Variants in CAST observed in about 807,000 individuals in gnomAD.
CAST encodes the protein MIR583 host.
A neutral mutation model predicts 119.6 loss-of-function variants in CAST; 76 were observed. The ratio of observed to expected loss-of-function variants is 0.64; its 90% CI spans 0.53 to 0.77. The LOEUF (loss-of-function observed/expected upper bound fraction) is 0.77. Ranked by LOEUF, CAST falls within the 30% of genes least tolerant of loss-of-function variation. The pLI is 0.00. For missense variants in CAST, 953 were observed against 946.5 expected (o/e 1.01, Z -0.09); for synonymous variants, 319 against 331.6 (o/e 0.96, Z 0.41).
intron 1 of CAST, among the ~76,000 whole-genome samples, chr5:96,635,411 G>A (rs958840713): frequency 1.3e-5 from 2 of 152,146 alleles, no homozygotes; most frequent in African/African-American, 4.8e-5. Context: ...CTAATTGATT[G>A]GGAATTCGGG....
At chr5:96,122,548 C>T in the CAST span, among the ~76,000 whole-genome samples, 5 of 152,088 alleles carry the variant, frequency 3.3e-5, no homozygotes, top group East Asian at 3.8e-4. Context: ...AAGGTAAAGT[C>T]GAACTTGTTT....
At chr5:96,289,551 T>C in the CAST span, among the ~76,000 whole-genome samples, 1 of 152,172 alleles carries the variant, frequency 6.6e-6, no homozygotes, top group African/African-American at 2.4e-5. Flanking sequence ...CCTGCCACCA[T>C]GTAAGATGCG....
chr5:96,249,518 A>G, the CAST span, among the ~76,000 whole-genome samples: 1 of 152,256 alleles, frequency 6.6e-6, no homozygotes, highest in Middle Eastern at 3.2e-3. Context: ...TAAAGAGGCA[A>G]CAAGTATCTA....
the CAST span, among the ~76,000 whole-genome samples, chr5:96,230,168 A>T: frequency 6.6e-6 from 1 of 152,176 alleles, no homozygotes; most frequent in Non-Finnish European, 1.5e-5. Flanking sequence ...GTATGAGCAC[A>T]GAGACTTAGG....
At chr5:96,186,212 T>G in the CAST span, among the ~76,000 whole-genome samples, 1 of 152,094 alleles carries the variant, frequency 6.6e-6, no homozygotes, top group Non-Finnish European at 1.5e-5. Context: ...TATTCTGAGA[T>G]TTTGAAGTTG....
chr5:96,464,313 A>G, the CAST span, among the ~76,000 whole-genome samples: 1 of 151,956 alleles, frequency 6.6e-6, no homozygotes. Context: ...ATTACTCAGG[A>G]ACTCCTTTGT....
the CAST span, among the ~76,000 whole-genome samples, chr5:96,258,643 A>G: frequency 6.6e-6 from 1 of 152,174 alleles, no homozygotes; most frequent in African/African-American, 2.4e-5. Flanking sequence ...TCAGGGATGC[A>G]TGACATTTGG....
chr5:96,694,127 A>T (rs56214211), intron 2 of CAST, among the ~76,000 whole-genome samples: 6,332 of 152,336 alleles, frequency 0.042, 179 homozygotes, highest in Middle Eastern at 0.092. Flanking sequence ...ATAAATTAGA[A>T]AATATAAATT....
In CAST at chr5:96,774,638, A is replaced by C; in HGVS notation, c.*2022A>C. 1 of 985,272 alleles carries C rather than the reference A, an allele frequency of 1.0e-6. No individual in the cohort carries two copies. Among genetic ancestry groups the C allele is most frequent in the Non-Finnish European group, 1.2e-6 (1 of 829,656 alleles). 61.0% of individuals were successfully genotyped at this position (985,272 alleles called of 1,614,324 possible). On this transcript the variant is annotated 3_prime_UTR_variant, in exon 32 of 32. Coordinates refer to ENST00000675179, the MANE Select transcript of CAST (RefSeq NM_001750.7). Reference sequence around the variant, plus strand: ...AAAATCAATATTTCCATGTTTCATTAATCAAGGCATAAAATACAATTAAAG... The same window carrying C: ...AAAATCAATATTTCCATGTTTCATTCATCAAGGCATAAAATACAATTAAAG...
the CAST span, chr5:95,961,493 C>A: frequency 1.5e-6 from 2 of 1,354,024 alleles, no homozygotes; most frequent in South Asian, 3.7e-5. Context: ...CACGGCTCCG[C>A]CGGCCCCGCA....
At chr5:96,417,172 TA>T in the CAST span, among the ~76,000 whole-genome samples, 1 of 152,314 alleles carries the variant, frequency 6.6e-6, no homozygotes, top group African/African-American at 2.4e-5. Flanking sequence ...GCATGGAATA[TA>T]AAATTCCTAA....
At chr5:96,580,927 A>G (rs1487730422) in intron 1 of CAST, among the ~76,000 whole-genome samples, 1 of 152,248 alleles carries the variant, frequency 6.6e-6, no homozygotes, top group East Asian at 1.9e-4. Context: ...AGGTCCAACG[A>G]AGCTCAATTG....
chr5:96,227,896 G>A, the CAST span, among the ~76,000 whole-genome samples: 1 of 152,156 alleles, frequency 6.6e-6, no homozygotes, highest in Admixed American at 6.6e-5. Flanking sequence ...AATGTGTAAG[G>A]GCAAGTATGG....
the CAST span, among the ~76,000 whole-genome samples, chr5:96,324,620 T>C: frequency 6.6e-6 from 1 of 152,230 alleles, no homozygotes; most frequent in East Asian, 1.9e-4. Flanking sequence ...AAAACATTAA[T>C]ATGAATGTAT....
the CAST span, among the ~76,000 whole-genome samples, chr5:96,419,778 TATTTTA>T: frequency 6.6e-6 from 1 of 151,992 alleles, no homozygotes; most frequent in Non-Finnish European, 1.5e-5. Context: ...AATTATATTT[TATTTTA>T]ATTATTATAT....
At chr5:96,380,795 T>C in the CAST span, among the ~76,000 whole-genome samples, 3 of 152,206 alleles carry the variant, frequency 2.0e-5, no homozygotes, top group African/African-American at 7.2e-5. Context: ...GTGTCAATAT[T>C]TGGAACATTT....
At chr5:96,569,074 T>C (rs190101281) in intron 1 of CAST, among the ~76,000 whole-genome samples, 1 of 152,230 alleles carries the variant, frequency 6.6e-6, no homozygotes, top group Admixed American at 6.5e-5. Context: ...CTGTGACACA[T>C]TTTAGGATCA....
chr5:96,274,663 T>C, the CAST span, among the ~76,000 whole-genome samples: 1 of 152,182 alleles, frequency 6.6e-6, no homozygotes, highest in African/African-American at 2.4e-5. Context: ...GGTGCAACAA[T>C]GAGAAGAGAG....
At chr5:96,722,168 G>A (rs1321295679) in intron 3 of CAST, among the ~76,000 whole-genome samples, 1 of 152,170 alleles carries the variant, frequency 6.6e-6, no homozygotes, top group Non-Finnish European at 1.5e-5. Flanking sequence ...GTATGTAAAT[G>A]GACCTGGAAG....
Sources: allele counts gnomAD v4.1 joint callset (sites outside exome capture counted in the v4.1 genomes callset), GRCh38; gene constraint gnomAD v4.1.1; transcripts MANE v1.5; gene names NCBI Gene and HGNC (gene_info 2026-07-23, HGNC 2026-07-21).